ENPP1: variants seen among roughly 807,000 people sequenced by gnomAD.
ENPP1 encodes the protein ectonucleotide pyrophosphatase/phosphodiesterase family member 1.
A neutral mutation model predicts 122.8 loss-of-function variants in ENPP1; 73 were observed. That is an observed-to-expected ratio of 0.59 (90% CI 0.49 to 0.72). The LOEUF (loss-of-function observed/expected upper bound fraction) is 0.72, where lower values mean the gene tolerates loss of function less well. ENPP1 is among the 30% of genes least tolerant of loss of function. The pLI is 0.00. For synonymous variants in ENPP1, 367 were observed against 391.6 expected (o/e 0.94, Z 0.74); for missense variants, 978 against 1,128.1 (o/e 0.87, Z 1.91).
At chr6:131,831,006 G>A (rs1191196757) in intron 1 of ENPP1, among the ~76,000 whole-genome samples, 3 of 150,384 alleles carry the variant, frequency 2.0e-5, no homozygotes, top group Admixed American at 1.3e-4. Context: ...CCAGCTACTC[G>A]AGAGGCTGAG....
At chr6:131,826,126 A>G (rs1029354810) in intron 1 of ENPP1, 18 of 830,510 alleles carry the variant, frequency 2.2e-5, no homozygotes, top group Admixed American at 1.5e-4. Flanking sequence ...GTAATTTCCA[A>G]TGAACTCCAG....
chr6:131,820,644 A>G (rs1312413126), intron 1 of ENPP1: 2 of 152,250 alleles, frequency 1.3e-5, no homozygotes, highest in Admixed American at 1.3e-4. Context: ...ATAAATTTCA[A>G]AATACTTCTA....
At chr6:131,857,090 C>T (rs1384981379) in intron 6 of ENPP1, among the ~76,000 whole-genome samples, 1 of 152,040 alleles carries the variant, frequency 6.6e-6, no homozygotes, top group Non-Finnish European at 1.5e-5. Context: ...CAAATCAAAA[C>T]CACTATGAGA....
At chr6:131,853,094 G>GTTT (rs1275259946) in intron 5 of ENPP1, among the ~76,000 whole-genome samples, 8 of 152,014 alleles carry the variant, frequency 5.3e-5, no homozygotes. Flanking sequence ...AGTTTTCCCA[G>GTTT]ACTATTAAAA....
chr6:131,814,134 A>G (rs1038948746), intron 1 of ENPP1, among the ~76,000 whole-genome samples: 3 of 152,176 alleles, frequency 2.0e-5, no homozygotes, highest in African/African-American at 7.2e-5. Flanking sequence ...TCCAATCTCA[A>G]TGAGCTTCAA....
intron 5 of ENPP1, among the ~76,000 whole-genome samples, chr6:131,853,491 G>A (rs1036573776): frequency 6.6e-6 from 1 of 152,074 alleles, no homozygotes; most frequent in East Asian, 1.9e-4. Flanking sequence ...GTATGTTTAC[G>A]TGATGGCCCA....
intron 2 of ENPP1, among the ~76,000 whole-genome samples, 171 bp downstream of exon 2, chr6:131,848,019 A>G (rs1293282208): frequency 2.6e-5 from 4 of 152,142 alleles, no homozygotes; most frequent in Non-Finnish European, 4.4e-5. Context: ...TTCTTGTATT[A>G]TATTAGTCAT....
chr6:131,866,296 C>T (rs958262206), intron 11 of ENPP1, among the ~76,000 whole-genome samples: 7 of 152,124 alleles, frequency 4.6e-5, no homozygotes, highest in Non-Finnish European at 4.4e-5. Flanking sequence ...TCAGTTCTCC[C>T]GCCCAGGTAG....
At chr6:131,842,814 A>G (rs537863307) in intron 1 of ENPP1, among the ~76,000 whole-genome samples, 2 of 152,314 alleles carry the variant, frequency 1.3e-5, no homozygotes, top group South Asian at 4.1e-4. Flanking sequence ...TCGTATTTCA[A>G]TGAATGCCTG....
At chr6:131,821,441 A>C (rs1013720347) in intron 1 of ENPP1, among the ~76,000 whole-genome samples, 1 of 152,252 alleles carries the variant, frequency 6.6e-6, no homozygotes, top group South Asian at 2.1e-4. Flanking sequence ...CGCTGGTTGC[A>C]TTTGGCCCCT....
intron 14 of ENPP1, among the ~76,000 whole-genome samples, chr6:131,872,721 C>T (rs980011548): frequency 1.3e-5 from 2 of 151,826 alleles, no homozygotes; most frequent in African/African-American, 4.8e-5. Flanking sequence ...GCTGTTTTTT[C>T]ATCTGACTTA....
chr6:131,820,179 G>A, intron 1 of ENPP1: 1 of 261,440 alleles, frequency 3.8e-6, no homozygotes, highest in South Asian at 5.4e-5. Flanking sequence ...AAAGAAGAAT[G>A]TCCATAATCA....
intron 24 of ENPP1, among the ~76,000 whole-genome samples, chr6:131,887,559 A>AG (rs1782398228): frequency 1.2e-5 from 1 of 86,336 alleles, no homozygotes; most frequent in Non-Finnish European, 2.1e-5. Flanking sequence ...CACCCAGCTA[A>AG]TTTTTTTTTT....
In ENPP1 at chr6:131,888,554, G is replaced by T. The variant is rs1013565800; in HGVS notation, c.2608-1787G>T. Among the ~76,000 whole-genome samples the T allele has an allele frequency of 9.9e-5, 15 of 152,280 alleles. No homozygotes were observed. The East Asian group carries it at 2.5e-3, about 25-fold the overall frequency. On this transcript the variant is annotated intron_variant, in intron 24 of 24. Transcript: ENST00000647893. ...CCGTTTGCCATCCCTGATGGTAGTA[G>T]TCTTTCTATATATCGTTAAAATTCA...
intron 1 of ENPP1, among the ~76,000 whole-genome samples, chr6:131,830,880 G>C (rs1159576819): frequency 1.3e-5 from 2 of 152,040 alleles, no homozygotes; most frequent in Non-Finnish European, 2.9e-5. Context: ...GAAGGCCGAG[G>C]TGGGTGGATT....
At chr6:131,856,883 G>T (rs368073802) in intron 6 of ENPP1, among the ~76,000 whole-genome samples, 1 of 151,960 alleles carries the variant, frequency 6.6e-6, no homozygotes, top group Non-Finnish European at 1.5e-5. Context: ...TGCTGTTTTG[G>T]TTACTGTAGC....
chr6:131,862,983 T>A (rs1782043225), intron 9 of ENPP1, among the ~76,000 whole-genome samples: 1 of 151,976 alleles, frequency 6.6e-6, no homozygotes, highest in Admixed American at 6.6e-5. Context: ...ATCAACTAAA[T>A]TCCTTCCCAA....
At chr6:131,824,042 T>G (rs1341907586) in intron 1 of ENPP1, among the ~76,000 whole-genome samples, 3 of 151,640 alleles carry the variant, frequency 2.0e-5, no homozygotes, top group Admixed American at 1.3e-4. Context: ...GTTTTTACTG[T>G]GTGGGCAGTC....
rs1397014466 is a variant in ENPP1, at chr6:131,849,164, T to G, written c.314-826T>G. On this transcript the variant is annotated intron_variant, in intron 2 of 24. Coordinates refer to ENST00000647893, the MANE Select transcript of ENPP1 (RefSeq NM_006208.3). ...ATGAAAAGTACTTTCCTCCCATGTC[T>G]ACCATTTATTCATTTAGCAAAAATG... is the stretch of plus-strand genomic sequence containing the variant. 3.9e-5 allele frequency among the ~76,000 whole-genome samples: 6 copies of G among 152,330 alleles called. No individual in the cohort carries two copies. In the South Asian group the frequency reaches 6.2e-4, roughly 16 times the overall value.
Sources: allele counts gnomAD v4.1 joint callset (sites outside exome capture counted in the v4.1 genomes callset), GRCh38; gene constraint gnomAD v4.1.1; transcripts MANE v1.5; gene names NCBI Gene and HGNC (gene_info 2026-07-23, HGNC 2026-07-21).